The following FBXO34 variants were observed in gnomAD, a reference collection of about 807,000 sequenced individuals.
The protein encoded by FBXO34 is F-box only protein 34.
FBXO34 carries 12 observed loss-of-function variants against 24.5 expected under a neutral mutation model. The observed-to-expected ratio is 0.49, with a 90% CI of 0.31 to 0.79. The LOEUF (loss-of-function observed/expected upper bound fraction) is 0.79. FBXO34 is among the 30% of genes least tolerant of loss of function. FBXO34 has a pLI of 0.04. For synonymous variants in FBXO34, 320 were observed against 311.9 expected (o/e 1.03, Z -0.27); for missense variants, 823 against 857.7 (o/e 0.96, Z 0.51).
chr14:55,328,923 G>A (rs982201749), intron 1 of FBXO34, among the ~76,000 whole-genome samples: 2 of 152,192 alleles, frequency 1.3e-5, no homozygotes, highest in Non-Finnish European at 1.5e-5. Context: ...CCATGGGGCT[G>A]GGTCCAGCTG....
chr14:55,368,916 ACT>A, downstream of FBXO34: 1 of 152,262 alleles, frequency 6.6e-6, no homozygotes, highest in Middle Eastern at 3.4e-3. Flanking sequence ...ATAGTTAAAA[ACT>A]CTCTAGACAT....
chr14:55,435,980 T>TAA, the FBXO34 span: 300,217 of 846,774 alleles, frequency 0.35, 22,345 homozygotes, highest in Admixed American at 0.48. Context: ...ATATAAAGAG[T>TAA]AAAAAAAAAA....
chr14:55,282,069 T>G (rs544971005), intron 1 of FBXO34, among the ~76,000 whole-genome samples: 1 of 141,934 alleles, frequency 7.0e-6, no homozygotes, highest in African/African-American at 2.7e-5. Context: ...CGATCTCGGC[T>G]CTCTGCAATC....
At chr14:55,421,252 C>G in the FBXO34 span, among the ~76,000 whole-genome samples, 2 of 151,840 alleles carry the variant, frequency 1.3e-5, no homozygotes, top group Non-Finnish European at 2.9e-5. Context: ...AGTGTGTTTC[C>G]CTAAGTAGGG....
At chr14:55,328,561 A>G (rs1380118094) in intron 1 of FBXO34, among the ~76,000 whole-genome samples, 1 of 152,188 alleles carries the variant, frequency 6.6e-6, no homozygotes, top group Non-Finnish European at 1.5e-5. Context: ...ACTTCTACAA[A>G]TGGGGTGCAA....
chr14:55,282,991 T>C (rs938327904), intron 1 of FBXO34, among the ~76,000 whole-genome samples: 5 of 152,222 alleles, frequency 3.3e-5, no homozygotes, highest in African/African-American at 1.2e-4. Context: ...AGTTCAGTCA[T>C]CAGGATTATT....
chr14:55,280,866 A>G (rs1881515779), intron 1 of FBXO34, among the ~76,000 whole-genome samples: 1 of 152,118 alleles, frequency 6.6e-6, no homozygotes, highest in Non-Finnish European at 1.5e-5. Flanking sequence ...TTGGTGTCCA[A>G]GGGAGGTCCT....
At chr14:55,408,745 T>C in the FBXO34 span, among the ~76,000 whole-genome samples, 1 of 152,134 alleles carries the variant, frequency 6.6e-6, no homozygotes, top group Non-Finnish European at 1.5e-5. Context: ...CACTCCAGCC[T>C]CGGTGACAGA....
downstream of FBXO34, chr14:55,366,691 C>CTGTT (rs1254701500): frequency 6.6e-6 from 1 of 152,502 alleles, no homozygotes; most frequent in African/African-American, 2.4e-5. Context: ...TTTAAGCAGC[C>CTGTT]TGTTTGGTGC....
chr14:55,436,027 T>C, the FBXO34 span: 1 of 740,706 alleles, frequency 1.4e-6, no homozygotes, highest in African/African-American at 1.9e-5. Flanking sequence ...AGGTTATACC[T>C]TAGCAATTTC....
At chr14:55,435,813 G>A in the FBXO34 span, 3 of 1,334,126 alleles carry the variant, frequency 2.2e-6, no homozygotes, top group Admixed American at 2.5e-5. Flanking sequence ...CTAAAGAGAA[G>A]CTAATTATTG....
chr14:55,433,664 TAAATATAA>T, the FBXO34 span: 2 of 1,614,136 alleles, frequency 1.2e-6, no homozygotes, highest in Non-Finnish European at 1.7e-6. Flanking sequence ...TTCCCAGAGC[TAAATATAA>T]GGGCTGTTGT....
At chr14:55,308,846 C>G (rs1036297448) in intron 1 of FBXO34, among the ~76,000 whole-genome samples, 1 of 152,172 alleles carries the variant, frequency 6.6e-6, no homozygotes, top group Non-Finnish European at 1.5e-5. Context: ...AAAAAAGTTA[C>G]TTATTTTTGC....
intron 1 of FBXO34, chr14:55,282,302 T>C: frequency 2.2e-6 from 1 of 449,174 alleles, no homozygotes; most frequent in East Asian, 6.1e-5. Flanking sequence ...CAAATTTAGC[T>C]TTTTGACTCT....
At chr14:55,318,420 T>C (rs1883013037) in intron 1 of FBXO34, among the ~76,000 whole-genome samples, 1 of 59,042 alleles carries the variant, frequency 1.7e-5, no homozygotes, top group Admixed American at 1.7e-4. Context: ...ATGCAGTCAG[T>C]AACTTTTTTT....
the FBXO34 span, among the ~76,000 whole-genome samples, chr14:55,442,388 CA>C: frequency 9.0e-3 from 1,250 of 138,372 alleles, 5 homozygotes; most frequent in African/African-American, 0.014. Context: ...GACTCTGTCT[CA>C]AAAAAAAAAA....
intron 1 of FBXO34, among the ~76,000 whole-genome samples, chr14:55,303,423 T>C (rs1189834731): frequency 1.3e-5 from 2 of 152,152 alleles, no homozygotes; most frequent in Non-Finnish European, 2.9e-5. Context: ...CCAGGCTTTA[T>C]AGGACTTAAG....
At chr14:55,440,615 G>A in the FBXO34 span, 1 of 1,469,234 alleles carries the variant, frequency 6.8e-7, no homozygotes, top group East Asian at 2.4e-5. Context: ...CGAGAGAAGC[G>A]TTGGGCGATG....
At chr14:55,438,847 G>A in the FBXO34 span, 1 of 150,872 alleles carries the variant, frequency 6.6e-6, no homozygotes, top group Non-Finnish European at 1.5e-5. Flanking sequence ...TAAATGCTAG[G>A]GAAAGTCACC....
Sources: gnomAD v4.1 joint callset for allele counts (sites outside exome capture counted in the v4.1 genomes callset) on GRCh38, gnomAD v4.1.1 for gene constraint, MANE v1.5 for transcripts, NCBI Gene and HGNC (gene_info 2026-07-23, HGNC 2026-07-21) for gene names.